The following KCNB2 variants were observed in gnomAD, a reference collection of about 807,000 sequenced individuals.
The protein encoded by KCNB2 is delayed rectifier potassium channel protein.
In KCNB2, 15 loss-of-function variants were observed where a neutral mutation model predicts 61.5. The ratio of observed to expected loss-of-function variants is 0.24; its 90% CI spans 0.16 to 0.38. The LOEUF (loss-of-function observed/expected upper bound fraction) is 0.38. Ranked by LOEUF, KCNB2 falls within the 10% of genes least tolerant of loss-of-function variation. The pLI is 1.00. For synonymous variants in KCNB2, 457 were observed against 446.0 expected (o/e 1.02, Z -0.31); for missense variants, 828 against 1,125.2 (o/e 0.74, Z 3.78).
intron 2 of KCNB2, among the ~76,000 whole-genome samples, chr8:72,920,702 T>G (rs981619481): frequency 6.6e-6 from 1 of 151,574 alleles, no homozygotes; most frequent in African/African-American, 2.4e-5. Context: ...CAGGTGTAAT[T>G]TAATATATGG....
intron 2 of KCNB2, among the ~76,000 whole-genome samples, chr8:72,594,143 C>T (rs765092296): frequency 1.3e-5 from 2 of 152,118 alleles, no homozygotes; most frequent in Non-Finnish European, 2.9e-5. Context: ...TTGCAGATGA[C>T]TCAGCTCTAT....
At chr8:72,822,725 G>T (rs1585913093) in intron 2 of KCNB2, among the ~76,000 whole-genome samples, 1 of 152,088 alleles carries the variant, frequency 6.6e-6, no homozygotes, top group African/African-American at 2.4e-5. Flanking sequence ...ACTAAATTTA[G>T]AATAAAATCT....
chr8:72,543,921 G>T (rs1388589137), intron 1 of KCNB2, among the ~76,000 whole-genome samples: 1 of 152,164 alleles, frequency 6.6e-6, no homozygotes, highest in East Asian at 1.9e-4. Flanking sequence ...AGCACTCTAT[G>T]TTTTTAGTAT....
chr8:72,897,136 A>G (rs1007965988), intron 2 of KCNB2, among the ~76,000 whole-genome samples: 3 of 152,104 alleles, frequency 2.0e-5, no homozygotes, highest in East Asian at 1.9e-4. Flanking sequence ...GCATGCCCCT[A>G]TAGTGTGACT....
chr8:72,713,255 G>T (rs1016485258), intron 2 of KCNB2, among the ~76,000 whole-genome samples: 1 of 152,218 alleles, frequency 6.6e-6, no homozygotes, highest in Non-Finnish European at 1.5e-5. Context: ...ACAAACAAAA[G>T]ACAGCAATAA....
chr8:72,847,935 A>C lies in KCNB2; in HGVS notation c.580-88000A>C, dbSNP rs536259927. ...CAGTAGGAAAGCTAGGGTAGAACAGAAATCTCTGTGGGAAGTATTTTAAAT... is the reference window on the plus strand; with the variant it reads ...CAGTAGGAAAGCTAGGGTAGAACAGCAATCTCTGTGGGAAGTATTTTAAAT... On this transcript the variant is annotated intron_variant, in intron 2 of 2. Coordinates refer to ENST00000523207, the MANE Select transcript of KCNB2 (RefSeq NM_004770.3). Among the ~76,000 whole-genome samples, 18 of 152,248 alleles carry C rather than the reference A, an allele frequency of 1.2e-4. No homozygotes were observed. In the South Asian group the frequency reaches 2.3e-3, roughly 19 times the overall value.
chr8:72,816,221 A>C lies in KCNB2; in HGVS notation c.580-119714A>C, dbSNP rs556414811. On this transcript the variant is annotated intron_variant, in intron 2 of 2. Transcript: ENST00000523207. The stretch of plus-strand genomic sequence containing the variant: ...CAAAATGTGATGAATAGTAATGCTC[A>C]TCACCATGAGACGTTAGTGAAGATA... Among the ~76,000 whole-genome samples the C allele has an allele frequency of 3.9e-5, 6 of 152,324 alleles. No individual in the cohort carries two copies. In the East Asian group the frequency reaches 1.2e-3, roughly 29 times the overall value.
chr8:72,622,356 G>A (rs1314204481), intron 2 of KCNB2, among the ~76,000 whole-genome samples: 1 of 152,178 alleles, frequency 6.6e-6, no homozygotes, highest in Non-Finnish European at 1.5e-5. Context: ...CAAGAGTATT[G>A]AGACTAATTG....
At chr8:72,770,989 A>G (rs989347124) in intron 2 of KCNB2, among the ~76,000 whole-genome samples, 1 of 152,224 alleles carries the variant, frequency 6.6e-6, no homozygotes, top group Admixed American at 6.5e-5. Context: ...TGTGATAGGA[A>G]CTCAGCTACA....
chr8:72,838,308 C>T (rs2129002396), intron 2 of KCNB2, among the ~76,000 whole-genome samples: 1 of 152,250 alleles, frequency 6.6e-6, no homozygotes, highest in Middle Eastern at 3.4e-3. Flanking sequence ...TGTTCCCCTC[C>T]CTGTGTCCAT....
chr8:72,567,992 G>GTA lies in KCNB2; in HGVS notation c.260_261dup (p.Phe88IlefsTer14), dbSNP rs1482906282. ...ACGACTATAATCTGAACGAGAACGA[G>GTA]TATTTCTTTGATCGGCATCCAGGAG... On this transcript the variant is annotated frameshift_variant, in exon 2 of 3. Coordinates refer to ENST00000523207, the MANE Select transcript of KCNB2 (RefSeq NM_004770.3). LOFTEE classifies it high-confidence loss of function. 6.2e-7 allele frequency: 1 copy of GTA among 1,614,002 alleles called. No homozygotes were observed.
At chr8:72,640,025 C>T (rs76881721) in intron 2 of KCNB2, among the ~76,000 whole-genome samples, 2,245 of 151,282 alleles carry the variant, frequency 0.015, 45 homozygotes, top group African/African-American at 0.052. Context: ...TTTCAGGAGT[C>T]GTTGGTCAAA....
intron 2 of KCNB2, among the ~76,000 whole-genome samples, chr8:72,679,543 G>T (rs937561924): frequency 8.5e-5 from 13 of 152,168 alleles, no homozygotes; most frequent in Admixed American, 5.9e-4. Context: ...GAAGTTAACA[G>T]CAAATTCAAA....
At chr8:72,848,921 A>C (rs1330824361) in intron 2 of KCNB2, among the ~76,000 whole-genome samples, 1 of 151,840 alleles carries the variant, frequency 6.6e-6, no homozygotes, top group Non-Finnish European at 1.5e-5. Flanking sequence ...TCTCAAAAAA[A>C]TGAAATTAAA....
intron 2 of KCNB2, among the ~76,000 whole-genome samples, chr8:72,757,988 G>A (rs955893437): frequency 2.0e-5 from 3 of 152,204 alleles, no homozygotes. Context: ...GGAATCAAAG[G>A]CATAATAAGG....
At chr8:72,776,911 T>C (rs1447713749) in intron 2 of KCNB2, among the ~76,000 whole-genome samples, 2 of 152,178 alleles carry the variant, frequency 1.3e-5, no homozygotes, top group Non-Finnish European at 2.9e-5. Context: ...TCAATGACTT[T>C]TGAGGTTCCT....
intron 2 of KCNB2, among the ~76,000 whole-genome samples, chr8:72,926,085 G>A (rs1312872099): frequency 6.6e-6 from 1 of 152,110 alleles, no homozygotes; most frequent in Non-Finnish European, 1.5e-5. Flanking sequence ...ACACACCCTG[G>A]GGCCTGTCAG....
chr8:72,761,838 C>A (rs1808386392), intron 2 of KCNB2, among the ~76,000 whole-genome samples: 1 of 152,174 alleles, frequency 6.6e-6, no homozygotes, highest in Non-Finnish European at 1.5e-5. Flanking sequence ...TGCTGACAGC[C>A]TGTACAAGTC....
chr8:72,681,598 C>A (rs973747427), intron 2 of KCNB2, among the ~76,000 whole-genome samples: 1 of 152,088 alleles, frequency 6.6e-6, no homozygotes, highest in African/African-American at 2.4e-5. Flanking sequence ...AGTAGATGTA[C>A]CCTCTATAAA....
Sources: gnomAD v4.1 joint callset for allele counts (sites outside exome capture counted in the v4.1 genomes callset) on GRCh38, gnomAD v4.1.1 for gene constraint, MANE v1.5 for transcripts, NCBI Gene and HGNC (gene_info 2026-07-23, HGNC 2026-07-21) for gene names.